The following TCF4 variants were observed in gnomAD, a reference collection of about 807,000 sequenced individuals.
TCF4 encodes the protein transcription factor 4.
In TCF4, 3 loss-of-function variants were observed where a neutral mutation model predicts 82.1. That is an observed-to-expected ratio of 0.04 (90% CI 0.02 to 0.09). The LOEUF is 0.09. Among genes scored for constraint, TCF4 ranks in the 10% least tolerant of loss-of-function variants. The probability of loss-of-function intolerance (pLI) is 1.00; values close to 1 mark genes in which losing one functional copy is unlikely to be tolerated. For missense variants in TCF4, 518 were observed against 852.7 expected (o/e 0.61, Z 4.89); for synonymous variants, 276 against 309.6 (o/e 0.89, Z 1.14).
At chr18:55,631,754 C>A (rs2097731818) in intron 1 of TCF4, among the ~76,000 whole-genome samples, 1 of 152,194 alleles carries the variant, frequency 6.6e-6, no homozygotes, top group Non-Finnish European at 1.5e-5. Flanking sequence ...TGGAATTCAT[C>A]CTGGTAGCAG....
At chr18:55,243,606 T>C (rs972905649) in intron 15 of TCF4, among the ~76,000 whole-genome samples, 2 of 152,052 alleles carry the variant, frequency 1.3e-5, no homozygotes, top group Admixed American at 6.6e-5. Flanking sequence ...GTTTGTTTGT[T>C]TGTTTTTTGA....
chr18:55,626,029 G>A (rs2097726246), intron 2 of TCF4, among the ~76,000 whole-genome samples: 1 of 152,116 alleles, frequency 6.6e-6, no homozygotes, highest in Admixed American at 6.5e-5. Context: ...TTGTTTCCCA[G>A]TGGAACTATT....
chr18:55,390,698 G>T (rs1034739223), intron 6 of TCF4, among the ~76,000 whole-genome samples: 1 of 152,150 alleles, frequency 6.6e-6, no homozygotes, highest in Non-Finnish European at 1.5e-5. Context: ...AATTTTAGAG[G>T]CTAGTACAAT....
chr18:55,450,558 G>A (rs1437309807), intron 5 of TCF4, among the ~76,000 whole-genome samples: 2 of 151,976 alleles, frequency 1.3e-5, no homozygotes, highest in Non-Finnish European at 1.5e-5. Context: ...TGTTTCCTTC[G>A]GATTCAAAAA....
intron 2 of TCF4, among the ~76,000 whole-genome samples, chr18:55,619,418 C>T (rs968346005): frequency 1.3e-5 from 2 of 152,052 alleles, no homozygotes; most frequent in African/African-American, 4.8e-5. Flanking sequence ...TAATTTGTGG[C>T]TTTTATTCTG....
rs1489496337 is a variant in TCF4, at chr18:55,350,950, G to A, written c.423C>T (p.Pro141=). 2 of 1,613,514 alleles carry A rather than the reference G, an allele frequency of 1.2e-6. No homozygotes were observed. Among genetic ancestry groups the A allele is most frequent in the Non-Finnish European group, 1.7e-6 (2 of 1,179,624 alleles). ...MDMGNPGTLS[P]TKPGSQYYQY... The stretch of plus-strand genomic sequence containing the variant: ...GATAGTACTGGGAACCAGGTTTGGT[G>A]GGCGAAAGGGTTCCTGGGTTGCCCA... Residue 141 remains proline (P), a synonymous_variant, in exon 7 of 20, where the codon CCC becomes CCT. Coordinates refer to ENST00000354452, the MANE Select transcript of TCF4 (RefSeq NM_001083962.2).
intron 8 of TCF4, among the ~76,000 whole-genome samples, chr18:55,327,250 C>G (rs1010206816): frequency 6.6e-6 from 1 of 152,002 alleles, no homozygotes; most frequent in Non-Finnish European, 1.5e-5. Flanking sequence ...GATAAACACA[C>G]TTATCGGATA....
chr18:55,572,781 C>T (rs368381051), intron 3 of TCF4, among the ~76,000 whole-genome samples: 4 of 152,222 alleles, frequency 2.6e-5, no homozygotes, highest in African/African-American at 4.8e-5. Context: ...GGGCTAGGCT[C>T]GGTGGCTCAC....
In TCF4 at chr18:55,365,191, A is replaced by ATATG. The variant is rs1361444592; in HGVS notation, c.370-14189_370-14188insCATA. 5.7e-3 allele frequency among the ~76,000 whole-genome samples: 562 copies of ATATG among 97,810 alleles called. 4 individuals carry two copies. The highest frequency in any genetic ancestry group is 8.0e-3 in the Non-Finnish European group (414 of 52,046). 64.2% of individuals were successfully genotyped at this position (97,810 alleles called of 152,430 possible). On this transcript the variant is annotated intron_variant, in intron 6 of 19. Transcript: ENST00000354452. ...TATATATATATATATATATATATAT[A>ATATG]TGTGTGTGTGTGTGTGTGTATATAT... is the stretch of plus-strand genomic sequence containing the variant.
chr18:55,246,101 A>T (rs886386819), intron 15 of TCF4, among the ~76,000 whole-genome samples: 1 of 152,162 alleles, frequency 6.6e-6, no homozygotes, highest in African/African-American at 2.4e-5. Context: ...TGTCCCTGTA[A>T]CAGTTCATTT....
chr18:55,380,689 C>T (rs2091751411), intron 6 of TCF4, among the ~76,000 whole-genome samples: 1 of 152,122 alleles, frequency 6.6e-6, no homozygotes, highest in Non-Finnish European at 1.5e-5. Context: ...ATGCTCATGC[C>T]CCACTGTGAG....
chr18:55,564,261 T>A (rs1024680477), intron 3 of TCF4, among the ~76,000 whole-genome samples: 5 of 152,174 alleles, frequency 3.3e-5, no homozygotes, highest in Non-Finnish European at 5.9e-5. Flanking sequence ...CCAAATGAGG[T>A]TGTAGAGGTA....
intron 11 of TCF4, chr18:55,267,534 A>C (rs1432250235): frequency 6.6e-6 from 1 of 152,170 alleles, no homozygotes; most frequent in East Asian, 1.9e-4. Context: ...TATTATGCTT[A>C]AATTTTCCTC....
At chr18:55,248,326 C>G (rs2053941178) in intron 15 of TCF4, among the ~76,000 whole-genome samples, 1 of 152,222 alleles carries the variant, frequency 6.6e-6, no homozygotes. Flanking sequence ...AATAGCTTCG[C>G]TGAAATTCTG....
chr18:55,392,096 T>C (rs1203818806), intron 6 of TCF4, among the ~76,000 whole-genome samples: 1 of 147,352 alleles, frequency 6.8e-6, no homozygotes, highest in East Asian at 2.1e-4. Flanking sequence ...CCTGAGTAGC[T>C]GGGATTACAG....
intron 9 of TCF4, 27 bp from the exon 10 acceptor site, chr18:55,275,779 T>G: frequency 6.2e-7 from 1 of 1,613,652 alleles, no homozygotes; most frequent in Middle Eastern, 1.7e-4. Flanking sequence ...CAACCATGAC[T>G]TTCTGAGGCA....
At chr18:55,300,750 C>T (rs1463609699) in intron 8 of TCF4, among the ~76,000 whole-genome samples, 1 of 152,052 alleles carries the variant, frequency 6.6e-6, no homozygotes, top group Non-Finnish European at 1.5e-5. Context: ...ACCTTCCAAT[C>T]CCCTGCTTGG....
chr18:55,588,065 T>C lies in TCF4; in HGVS notation c.-48A>G. The C allele has an allele frequency of 1.0e-6, 1 of 991,692 alleles. No individual in the cohort carries two copies. Among genetic ancestry groups the C allele is most frequent in the Non-Finnish European group, 1.2e-6 (1 of 836,148 alleles). The allele number at this position is 991,692 out of a possible 1,614,324, so 61.4% of individuals were successfully genotyped here. A position where few individuals can be genotyped will look rare whatever the true frequency, so the allele number is the denominator to read the frequency against. Reference sequence around the variant, plus strand: ...CCCGCGCGCGAGAAGGGGCTCTCCGTGCACCGCCGGCGCCGAGGCGGCGTT... The same window carrying C: ...CCCGCGCGCGAGAAGGGGCTCTCCGCGCACCGCCGGCGCCGAGGCGGCGTT... On this transcript the variant is annotated 5_prime_UTR_variant, in exon 1 of 20. Transcript: ENST00000354452.
chr18:55,399,217 A>T (rs182367079), intron 6 of TCF4, among the ~76,000 whole-genome samples: 1 of 152,332 alleles, frequency 6.6e-6, no homozygotes, highest in East Asian at 1.9e-4. Context: ...AAAGAAATCA[A>T]TTCTGAAATG....
Sources: gnomAD v4.1 joint callset for allele counts (sites outside exome capture counted in the v4.1 genomes callset) on GRCh38, gnomAD v4.1.1 for gene constraint, MANE v1.5 for transcripts, NCBI Gene and HGNC (gene_info 2026-07-23, HGNC 2026-07-21) for gene names.